Variants in NOS1AP observed in about 807,000 individuals in gnomAD.
NOS1AP encodes nitric oxide synthase 1 adaptor protein, also known as carboxyl-terminal PDZ ligand of neuronal nitric oxide synthase protein.
In NOS1AP, 21 loss-of-function variants were observed where a neutral mutation model predicts 56.2. That is an observed-to-expected ratio of 0.37 (90% confidence interval 0.26 to 0.54). The LOEUF is 0.54. Ranked by LOEUF, NOS1AP falls within the 20% of genes least tolerant of loss-of-function variation. The pLI, the probability that NOS1AP is intolerant of heterozygous loss-of-function variation, is 0.84. For synonymous variants in NOS1AP, 270 were observed against 274.6 expected, an observed-to-expected ratio of 0.98 and a Z score of 0.17; for missense variants, 522 against 657.8, an observed-to-expected ratio of 0.79 and a Z score of 2.26.
intron 7 of NOS1AP, among the ~76,000 whole-genome samples, chr1:162,356,308 G>A (rs1455145657): frequency 1.3e-5 from 2 of 152,328 alleles, no homozygotes; most frequent in Non-Finnish European, 1.5e-5. Context: ...ACAGGAGAGG[G>A]AGACAGAAGG....
intron 2 of NOS1AP, among the ~76,000 whole-genome samples, chr1:162,260,588 C>T (rs1222833966): frequency 6.6e-6 from 1 of 152,106 alleles, no homozygotes; most frequent in Non-Finnish European, 1.5e-5. Flanking sequence ...ACTAATTGAT[C>T]AGAACTAGAG....
chr1:162,129,488 T>C (rs1261734447), intron 1 of NOS1AP, among the ~76,000 whole-genome samples: 1 of 152,200 alleles, frequency 6.6e-6, no homozygotes, highest in Non-Finnish European at 1.5e-5. Flanking sequence ...ATCCTTTGCT[T>C]CTATAGATCT....
intron 2 of NOS1AP, among the ~76,000 whole-genome samples, chr1:162,261,049 G>A (rs1654194397): frequency 1.6e-5 from 2 of 123,558 alleles, no homozygotes; most frequent in African/African-American, 6.3e-5. Context: ...ATATTCCCAA[G>A]ATGACTAATA....
At chr1:162,184,800 C>A (rs1261742669) in intron 2 of NOS1AP, among the ~76,000 whole-genome samples, 2 of 152,178 alleles carry the variant, frequency 1.3e-5, no homozygotes, top group African/African-American at 2.4e-5. Context: ...AAGCTGTAGT[C>A]CTCTTTATTG....
Position 162,356,973 on chromosome 1 carries a change from A to C in NOS1AP, c.776A>C (p.Gln259Pro). The C allele has an allele frequency of 6.2e-7, 1 of 1,614,112 alleles. No homozygotes were observed. Among genetic ancestry groups the C allele is most frequent in the Non-Finnish European group, 8.5e-7 (1 of 1,180,046 alleles). Reference sequence around the variant, plus strand: ...CTTCTCCTCCAGGTTTCGCACCCCCAGGAGCCCATGCTGACAGCCTCACCC... The same window carrying C: ...CTTCTCCTCCAGGTTTCGCACCCCCCGGAGCCCATGCTGACAGCCTCACCC... ...SHTGSKVSHP[Q>P]EPMLTASPRM... Residue 259 changes from glutamine (Q) to proline (P), a missense_variant, in exon 8 of 10, where the codon CAG becomes CCG. Physicochemically the swap from Gln to Pro is moderately conservative, Grantham distance 76 (BLOSUM62 -1). This residue lies in a region of NOS1AP where 178 missense variants were observed against 165.0 expected (regional missense o/e 1.08). Transcript: ENST00000361897.
At chr1:162,218,749 C>T (rs918414931) in intron 2 of NOS1AP, among the ~76,000 whole-genome samples, 19 of 152,206 alleles carry the variant, frequency 1.2e-4, no homozygotes, top group East Asian at 5.8e-4. Flanking sequence ...AGGAGTGTCC[C>T]GGGCACCCTG....
rs144564311 is a variant in NOS1AP at position 162,182,780 on chromosome 1, C to T, written c.177+28304C>T. Among the ~76,000 whole-genome samples the T allele has an allele frequency of 3.3e-5, 5 of 152,260 alleles. No homozygotes were observed. In the East Asian group the frequency reaches 7.7e-4, roughly 24 times the overall value. ...TAAAATTTTATTATGAAATTGTAGC[C>T]ATTCAGTCACATCTTCAGGCTCCAC... On this transcript the variant is annotated intron_variant, in intron 2 of 9. Coordinates refer to ENST00000361897, the MANE Select transcript of NOS1AP (RefSeq NM_014697.3).
intron 2 of NOS1AP, among the ~76,000 whole-genome samples, chr1:162,192,922 A>G (rs1651689281): frequency 1.3e-5 from 2 of 152,028 alleles, no homozygotes; most frequent in South Asian, 4.1e-4. Flanking sequence ...GATCTATTCT[A>G]GTCTTCTGAT....
intron 4 of NOS1AP, among the ~76,000 whole-genome samples, chr1:162,313,229 GT>G (rs1384578575): frequency 6.6e-6 from 1 of 152,156 alleles, no homozygotes; most frequent in African/African-American, 2.4e-5. Flanking sequence ...TTCCATGATA[GT>G]TTTTAGATAA....
intron 2 of NOS1AP, among the ~76,000 whole-genome samples, chr1:162,233,494 G>A (rs751872992): frequency 6.9e-6 from 1 of 145,598 alleles, no homozygotes; most frequent in South Asian, 2.3e-4. Flanking sequence ...CCCATTTAAA[G>A]TGTAATATTC....
At chr1:162,296,657 C>T (rs1410105756) in intron 3 of NOS1AP, among the ~76,000 whole-genome samples, 2 of 152,170 alleles carry the variant, frequency 1.3e-5, no homozygotes, top group Non-Finnish European at 2.9e-5. Flanking sequence ...TCTCTGTCCT[C>T]CTATTCACAT....
In NOS1AP at chr1:162,121,594, C is replaced by T. The variant is rs559122785; in HGVS notation, c.106-32811C>T. ...AGCTGTGTGACTTTGGGCATATCAT[C>T]TCCTGAGAGTCTCAGGAAGTGGTAA... On this transcript the variant is annotated intron_variant, in intron 1 of 9. Transcript: ENST00000361897. 2.6e-5 allele frequency among the ~76,000 whole-genome samples: 4 copies of T among 152,236 alleles called. No homozygotes were observed. In the East Asian group the frequency reaches 5.8e-4, roughly 22 times the overall value.
intron 1 of NOS1AP, among the ~76,000 whole-genome samples, chr1:162,109,371 A>G (rs1277167414): frequency 6.6e-6 from 1 of 152,228 alleles, no homozygotes; most frequent in Non-Finnish European, 1.5e-5. Flanking sequence ...TTCAGATGAG[A>G]TAGCGTTGTG....
At chr1:162,327,982 A>G (rs141651169) in intron 4 of NOS1AP, among the ~76,000 whole-genome samples, 38 of 152,354 alleles carry the variant, frequency 2.5e-4, no homozygotes, top group African/African-American at 9.1e-4. Flanking sequence ...AGTCATTAAT[A>G]TGCCTATTTT....
intron 2 of NOS1AP, among the ~76,000 whole-genome samples, chr1:162,270,757 TA>T (rs1654559008): frequency 6.6e-6 from 1 of 152,238 alleles, no homozygotes; most frequent in South Asian, 2.1e-4. Flanking sequence ...TTCTTCTTTT[TA>T]AAGCGATGAA....
At chr1:162,171,193 G>C (rs1043002295) in intron 2 of NOS1AP, among the ~76,000 whole-genome samples, 2 of 152,154 alleles carry the variant, frequency 1.3e-5, no homozygotes, top group African/African-American at 4.8e-5. Flanking sequence ...TGGAGCGGGA[G>C]GGTGCAGAGA....
At chr1:162,104,312 T>G in intron 1 of NOS1AP, among the ~76,000 whole-genome samples, 1 of 152,318 alleles carries the variant, frequency 6.6e-6, no homozygotes, top group Middle Eastern at 3.4e-3. Context: ...GTAGGTGACC[T>G]GGCCTTTCTC....
At chr1:162,353,896 G>A (rs896868719) in intron 6 of NOS1AP, among the ~76,000 whole-genome samples, 4 of 152,132 alleles carry the variant, frequency 2.6e-5, no homozygotes, top group Non-Finnish European at 4.4e-5. Context: ...TGTGCTCCCC[G>A]CCTACTGGCT....
In NOS1AP at chr1:162,275,084, A is replaced by T. The variant is rs889073590; in HGVS notation, c.178-12260A>T. ...TTAATTTTATGAAGTTCAATTAATC[A>T]GTTTTTTATTTTTTATGGATCATGC... On this transcript the variant is annotated intron_variant, in intron 2 of 9. Transcript: ENST00000361897. Among the ~76,000 whole-genome samples the T allele has an allele frequency of 2.0e-5, 3 of 152,292 alleles. 1 individual carries two copies. The East Asian group carries it at 5.8e-4, about 29-fold the overall frequency.
Sources: allele counts gnomAD v4.1 joint callset (sites outside exome capture counted in the v4.1 genomes callset), GRCh38; gene constraint gnomAD v4.1.1; regional missense constraint gnomAD v4.1.1; transcripts MANE v1.5; gene names NCBI Gene and HGNC (gene_info 2026-07-23, HGNC 2026-07-21).